MMD2: variants seen among roughly 807,000 people sequenced by gnomAD.
The protein encoded by MMD2 is monocyte to macrophage differentiation factor 2.
A neutral mutation model predicts 33.5 loss-of-function variants in MMD2; 30 were observed. The observed-to-expected ratio is 0.90, with a 90% CI of 0.67 to 1.22. The LOEUF (loss-of-function observed/expected upper bound fraction) is 1.22. MMD2 is among the 50% of genes most tolerant of loss of function. The pLI, the probability that MMD2 is intolerant of heterozygous loss-of-function variation, is 0.00. For synonymous variants in MMD2, 129 were observed against 123.0 expected, an observed-to-expected ratio of 1.05 and a Z score of -0.32; for missense variants, 364 against 325.4, an observed-to-expected ratio of 1.12 and a Z score of -0.91.
chr7:4,917,653 C>G (rs1013972943), intron 3 of MMD2, among the ~76,000 whole-genome samples: 2 of 151,464 alleles, frequency 1.3e-5, no homozygotes, highest in Non-Finnish European at 2.9e-5. Flanking sequence ...GATCATGCCA[C>G]TGCACTCCAG....
intron 1 of MMD2, among the ~76,000 whole-genome samples, chr7:4,948,133 G>A: frequency 6.6e-6 from 1 of 152,100 alleles, no homozygotes; most frequent in East Asian, 1.9e-4. Context: ...TCCAACATCG[G>A]GGATTACAAC....
chr7:4,937,061 G>T (rs555409645), intron 1 of MMD2, among the ~76,000 whole-genome samples: 1 of 150,378 alleles, frequency 6.6e-6, no homozygotes, highest in South Asian at 2.2e-4. Flanking sequence ...GGGTATCTTA[G>T]TCCATCTTCT....
intron 1 of MMD2, among the ~76,000 whole-genome samples, chr7:4,943,494 G>A: frequency 6.6e-6 from 1 of 152,128 alleles, no homozygotes; most frequent in Middle Eastern, 3.2e-3. Context: ...AGAGAAGACT[G>A]AGACCCAACT....
chr7:4,954,428 C>A (rs202022997), intron 1 of MMD2, among the ~76,000 whole-genome samples: 4 of 137,438 alleles, frequency 2.9e-5, no homozygotes, highest in Non-Finnish European at 5.0e-5. Flanking sequence ...ATTTTTTTTT[C>A]TTTTTTTGAG....
chr7:4,939,730 C>T (rs1785850001), intron 1 of MMD2, among the ~76,000 whole-genome samples: 2 of 136,528 alleles, frequency 1.5e-5, no homozygotes, highest in South Asian at 4.9e-4. Flanking sequence ...CAATCTATTT[C>T]TTTCTTTCTT....
intron 1 of MMD2, among the ~76,000 whole-genome samples, chr7:4,953,997 C>G (rs565944349): frequency 1.8e-4 from 28 of 151,584 alleles, no homozygotes; most frequent in Admixed American, 1.3e-3. Context: ...TAGCTGGGAC[C>G]GCAAGCACAC....
intron 1 of MMD2, among the ~76,000 whole-genome samples, chr7:4,950,807 G>A (rs1415988069): frequency 6.6e-6 from 1 of 150,892 alleles, no homozygotes; most frequent in Non-Finnish European, 1.5e-5. Context: ...TCTGCCTCCC[G>A]GATTCAAGCA....
the MMD2 span, among the ~76,000 whole-genome samples, chr7:4,899,024 G>C: frequency 6.6e-6 from 1 of 151,244 alleles, no homozygotes; most frequent in African/African-American, 2.4e-5. Context: ...GGTTTGGAAG[G>C]TGATTAGGTC....
intron 1 of MMD2, among the ~76,000 whole-genome samples, chr7:4,932,156 C>T (rs1213659983): frequency 5.9e-5 from 9 of 152,100 alleles, no homozygotes; most frequent in African/African-American, 1.9e-4. Flanking sequence ...CGACCTGGGG[C>T]GGGCAGTTAT....
intron 3 of MMD2, 48 bp downstream of exon 3, chr7:4,920,123 C>G (rs965093794): frequency 1.0e-5 from 16 of 1,540,338 alleles, no homozygotes; most frequent in Non-Finnish European, 1.4e-5. Context: ...ATGGGTCCCC[C>G]TGCCCCGACC....
intron 2 of MMD2, 139 bp downstream of exon 2, chr7:4,925,312 C>T: frequency 3.8e-6 from 2 of 520,398 alleles, no homozygotes; most frequent in Non-Finnish European, 6.2e-6. Flanking sequence ...CTCGAGACGC[C>T]ACAGTGGCCT....
intron 1 of MMD2, among the ~76,000 whole-genome samples, chr7:4,943,492 C>T (rs559036021): frequency 1.4e-4 from 21 of 152,254 alleles, no homozygotes; most frequent in African/African-American, 5.1e-4. Context: ...GAAGAGAAGA[C>T]TGAGACCCAA....
chr7:4,907,730 A>G (rs1784900682), intron 6 of MMD2, 131 bp from the exon 7 acceptor site: 5 of 742,654 alleles, frequency 6.7e-6, no homozygotes, highest in Admixed American at 2.3e-5. Flanking sequence ...CCAGGTGGGA[A>G]GCCTCAACAC....
At chr7:4,937,339 G>C (rs1785769710) in intron 1 of MMD2, among the ~76,000 whole-genome samples, 1 of 151,586 alleles carries the variant, frequency 6.6e-6, no homozygotes, top group South Asian at 2.1e-4. Context: ...GGAGGTTGCA[G>C]TGAGCCGGGA....
At chr7:4,932,492 C>T (rs1785617389) in intron 1 of MMD2, among the ~76,000 whole-genome samples, 2 of 152,074 alleles carry the variant, frequency 1.3e-5, no homozygotes, top group East Asian at 1.9e-4. Flanking sequence ...CCTGTAACTG[C>T]CACCGCCACC....
At chr7:4,910,630 T>G (rs1319193368) in intron 5 of MMD2, among the ~76,000 whole-genome samples, 1 of 151,980 alleles carries the variant, frequency 6.6e-6, no homozygotes, top group Admixed American at 6.6e-5. Flanking sequence ...TATGTTTTTT[T>G]GTTGTTGTTT....
chr7:4,943,864 T>C (rs1785979372), intron 1 of MMD2, among the ~76,000 whole-genome samples: 1 of 151,882 alleles, frequency 6.6e-6, no homozygotes. Flanking sequence ...TGCAGTGGCA[T>C]GATCACAGCT....
At chr7:4,934,310 C>T (rs1162319517) in intron 1 of MMD2, among the ~76,000 whole-genome samples, 3 of 151,978 alleles carry the variant, frequency 2.0e-5, no homozygotes, top group African/African-American at 7.2e-5. Flanking sequence ...TGCCATGTTG[C>T]CCAGGCTGGT....
the MMD2 span, among the ~76,000 whole-genome samples, chr7:4,897,793 A>C: frequency 1.3e-5 from 2 of 152,050 alleles, no homozygotes; most frequent in Admixed American, 6.6e-5. Context: ...GCTGGAGTAC[A>C]ATGGTGTGAT....
Sources: allele counts gnomAD v4.1 joint callset (sites outside exome capture counted in the v4.1 genomes callset), GRCh38; gene constraint gnomAD v4.1.1; transcripts MANE v1.5; gene names NCBI Gene and HGNC (gene_info 2026-07-23, HGNC 2026-07-21).